Variants in MCTP1 observed in about 807,000 individuals in gnomAD.
MCTP1 encodes multiple C2 and transmembrane domain-containing protein 1.
MCTP1 carries 69 observed loss-of-function variants against 120.6 expected under a neutral mutation model. The observed-to-expected ratio is 0.57, with a 90% CI of 0.47 to 0.70. The LOEUF (loss-of-function observed/expected upper bound fraction) is 0.70. Among genes scored for constraint, MCTP1 ranks in the 30% least tolerant of loss-of-function variants. MCTP1 has a pLI of 0.00. For missense variants in MCTP1, 1,203 were observed against 1,248.8 expected, an observed-to-expected ratio of 0.96 and a Z score of 0.55; for synonymous variants, 529 against 493.1, an observed-to-expected ratio of 1.07 and a Z score of -0.96.
chr5:94,749,288 T>C (rs760825647), intron 19 of MCTP1, among the ~76,000 whole-genome samples: 12 of 152,192 alleles, frequency 7.9e-5, no homozygotes, highest in Non-Finnish European at 1.6e-4. Context: ...TATTAGGTGG[T>C]ATCCCCTGGC....
intron 2 of MCTP1, chr5:94,978,996 C>T (rs1309531130): frequency 2.0e-5 from 3 of 151,980 alleles, no homozygotes. Flanking sequence ...TAGTAGGAAG[C>T]AGGATATGAA....
At chr5:95,072,740 ATTTTTTTTT>A (rs11421165) in intron 1 of MCTP1, among the ~76,000 whole-genome samples, 2 of 95,282 alleles carry the variant, frequency 2.1e-5, no homozygotes, top group African/African-American at 8.7e-5. Context: ...CTTAGCAACT[ATTTTTTTTT>A]TTTTTTTTTT....
intron 19 of MCTP1, among the ~76,000 whole-genome samples, chr5:94,733,041 T>C (rs1737790068): frequency 6.6e-6 from 1 of 152,244 alleles, no homozygotes; most frequent in African/African-American, 2.4e-5. Flanking sequence ...TAATTTTATC[T>C]ATTCCAAATA....
At chr5:94,752,610 T>C (rs184398049) in intron 19 of MCTP1, among the ~76,000 whole-genome samples, 5 of 152,190 alleles carry the variant, frequency 3.3e-5, no homozygotes, top group East Asian at 3.9e-4. Flanking sequence ...CTAGGTTATT[T>C]TGAAAACTAG....
chr5:94,826,208 T>C, intron 17 of MCTP1: 1 of 411,568 alleles, frequency 2.4e-6, no homozygotes, highest in Admixed American at 3.0e-5. Context: ...AATTTGCTTC[T>C]TATTGATTTT....
Position 94,904,249 on chromosome 5 carries a change from G to A in MCTP1, c.1652+5002C>T, listed in dbSNP as rs191661429. On this transcript the variant is annotated intron_variant, in intron 10 of 22. Transcript: ENST00000515393. The stretch of plus-strand genomic sequence containing the variant: ...TGAATACAAGAGTGTGATGAAATAA[G>A]CATGGACTTTAGATTGATCTGGATT... Among the ~76,000 whole-genome samples, 751 of 152,218 alleles carry A rather than the reference G, an allele frequency of 4.9e-3. 9 individuals carry two copies. The highest frequency in any genetic ancestry group is 0.016 in the African/African-American group (675 of 41,520).
chr5:94,825,965 T>G, intron 17 of MCTP1: 1 of 240,594 alleles, frequency 4.2e-6, no homozygotes, highest in Non-Finnish European at 8.4e-6. Flanking sequence ...CTTAGATCAT[T>G]CTTCTAATAA....
chr5:95,185,204 T>G (rs1018625655), intron 1 of MCTP1, among the ~76,000 whole-genome samples: 4 of 152,082 alleles, frequency 2.6e-5, no homozygotes, highest in Admixed American at 1.3e-4. Context: ...ATGAGGCTAG[T>G]ATTGTAATGA....
chr5:95,233,209 T>G (rs1023424657), intron 1 of MCTP1, among the ~76,000 whole-genome samples: 12 of 152,182 alleles, frequency 7.9e-5, no homozygotes, highest in African/African-American at 2.4e-4. Context: ...CGTCAATATA[T>G]TTAAAGGGAT....
At chr5:95,211,268 G>A (rs1752338155) in intron 1 of MCTP1, among the ~76,000 whole-genome samples, 2 of 152,144 alleles carry the variant, frequency 1.3e-5, no homozygotes, top group South Asian at 4.2e-4. Context: ...CCTGCAGAGT[G>A]TTTTCCAACT....
At chr5:95,005,770 AT>A (rs70978157) in intron 2 of MCTP1, among the ~76,000 whole-genome samples, 106 of 64,914 alleles carry the variant, frequency 1.6e-3, no homozygotes, top group African/African-American at 5.1e-3. Context: ...TTCTTTCTTT[AT>A]TTTTTTTTTT....
At chr5:94,952,548 G>T (rs973806924) in intron 3 of MCTP1, among the ~76,000 whole-genome samples, 4 of 152,252 alleles carry the variant, frequency 2.6e-5, no homozygotes, top group Non-Finnish European at 5.9e-5. Context: ...GTAGAAAAAG[G>T]TCTGGTCACT....
intron 5 of MCTP1, among the ~76,000 whole-genome samples, chr5:94,938,722 G>A (rs569484179): frequency 9.9e-5 from 15 of 151,908 alleles, no homozygotes; most frequent in Admixed American, 5.3e-4. Flanking sequence ...GTAGGTTCTC[G>A]GAGAATACTA....
intron 3 of MCTP1, among the ~76,000 whole-genome samples, chr5:94,949,949 G>A (rs11740360): frequency 0.23 from 35,045 of 151,794 alleles, 4,285 homozygotes; most frequent in Non-Finnish European, 0.27. Context: ...AACTTCAAAT[G>A]TTATTTCCAC....
At chr5:94,805,811 G>T (rs1162276948) in intron 17 of MCTP1, among the ~76,000 whole-genome samples, 2 of 148,298 alleles carry the variant, frequency 1.3e-5, no homozygotes, top group African/African-American at 5.0e-5. Flanking sequence ...AGTCTGAGTG[G>T]CAGAGCCAAG....
intron 16 of MCTP1, among the ~76,000 whole-genome samples, chr5:94,869,127 T>A (rs932131777): frequency 2.0e-5 from 3 of 151,884 alleles, no homozygotes; most frequent in African/African-American, 7.2e-5. Context: ...ATTGATATAA[T>A]TAGAAATTAA....
intron 1 of MCTP1, among the ~76,000 whole-genome samples, chr5:95,158,481 A>G (rs778053198): frequency 6.6e-6 from 1 of 152,224 alleles, no homozygotes; most frequent in Non-Finnish European, 1.5e-5. Context: ...ATAAATAGTA[A>G]ATCTGGTACT....
chr5:95,090,252 A>G (rs1755739830), intron 1 of MCTP1, among the ~76,000 whole-genome samples: 1 of 152,204 alleles, frequency 6.6e-6, no homozygotes, highest in South Asian at 2.1e-4. Context: ...TGAGGTGAGA[A>G]ATAAAGCATA....
chr5:94,837,857 A>T (rs1353661784), intron 17 of MCTP1, among the ~76,000 whole-genome samples: 1 of 152,210 alleles, frequency 6.6e-6, no homozygotes, highest in Non-Finnish European at 1.5e-5. Context: ...TAAAGTATTA[A>T]TTTATATATT....
Sources: gnomAD v4.1 joint callset for allele counts (sites outside exome capture counted in the v4.1 genomes callset) on GRCh38, gnomAD v4.1.1 for gene constraint, MANE v1.5 for transcripts, NCBI Gene and HGNC (gene_info 2026-07-23, HGNC 2026-07-21) for gene names.